The following CTIF variants were observed in gnomAD, a reference collection of about 807,000 sequenced individuals.
CTIF encodes the protein cap binding complex dependent translation initiation factor.
A neutral mutation model predicts 66.0 loss-of-function variants in CTIF; 21 were observed. The ratio of observed to expected loss-of-function variants is 0.32; its 90% CI spans 0.23 to 0.46. The LOEUF (loss-of-function observed/expected upper bound fraction) is 0.46, where lower values mean the gene tolerates loss of function less well. Among genes scored for constraint, CTIF ranks in the 20% least tolerant of loss-of-function variants. The probability of loss-of-function intolerance (pLI) is 1.00; values close to 1 mark genes in which losing one functional copy is unlikely to be tolerated. For synonymous variants in CTIF, 345 were observed against 326.4 expected (o/e 1.06, Z -0.62); for missense variants, 739 against 812.7 (o/e 0.91, Z 1.10).
chr18:48,556,367 T>G (rs1339251921), intron 1 of CTIF, among the ~76,000 whole-genome samples: 1 of 152,194 alleles, frequency 6.6e-6, no homozygotes, highest in Non-Finnish European at 1.5e-5. Context: ...GTGACTTGGT[T>G]TCCTCACCTT....
intron 1 of CTIF, among the ~76,000 whole-genome samples, chr18:48,594,183 G>C (rs2089947244): frequency 6.6e-6 from 1 of 152,000 alleles, no homozygotes; most frequent in Admixed American, 6.5e-5. Context: ...GGGATGCCTT[G>C]CTCACCGGCT....
chr18:48,601,763 T>C (rs529685165), intron 1 of CTIF, among the ~76,000 whole-genome samples: 46 of 152,314 alleles, frequency 3.0e-4, no homozygotes, highest in Non-Finnish European at 4.3e-4. Context: ...TAAAACACTT[T>C]TGTTTTGAAG....
intron 1 of CTIF, among the ~76,000 whole-genome samples, chr18:48,608,276 C>T (rs59297628): frequency 0.11 from 16,620 of 152,108 alleles, 1,413 homozygotes; most frequent in African/African-American, 0.25. Context: ...CAGTGTTGCT[C>T]GATCATCCAG....
At chr18:48,576,760 C>T (rs181088944) in intron 1 of CTIF, among the ~76,000 whole-genome samples, 34 of 152,356 alleles carry the variant, frequency 2.2e-4, no homozygotes, top group African/African-American at 7.5e-4. Flanking sequence ...TGCTCAAATG[C>T]ACTTTTAAAA....
At chr18:48,723,271 C>T (rs955228916) in intron 7 of CTIF, among the ~76,000 whole-genome samples, 5 of 152,096 alleles carry the variant, frequency 3.3e-5, no homozygotes, top group Admixed American at 3.3e-4. Context: ...CGGCATGGTC[C>T]TCTTTGGGGT....
chr18:48,771,665 C>T (rs1041354450), intron 9 of CTIF, among the ~76,000 whole-genome samples: 4 of 152,202 alleles, frequency 2.6e-5, no homozygotes, highest in Non-Finnish European at 4.4e-5. Flanking sequence ...AGTGGGTTAC[C>T]GGAGAAGGCC....
At chr18:48,655,316 AAAAAG>A (rs1273567418) in intron 3 of CTIF, among the ~76,000 whole-genome samples, 1 of 148,000 alleles carries the variant, frequency 6.8e-6, no homozygotes, top group African/African-American at 2.5e-5. Flanking sequence ...AAAAAAAAAA[AAAAAG>A]AAGAATAAAA....
At chr18:48,680,023 G>A (rs1364963312) in intron 6 of CTIF, among the ~76,000 whole-genome samples, 1 of 152,222 alleles carries the variant, frequency 6.6e-6, no homozygotes, top group Non-Finnish European at 1.5e-5. Context: ...TGACCAAATA[G>A]GGACTCAGCC....
At chr18:48,782,919 G>GAGCC (rs1260221831) in intron 9 of CTIF, among the ~76,000 whole-genome samples, 3 of 152,206 alleles carry the variant, frequency 2.0e-5, no homozygotes. Flanking sequence ...CAGACTCAGA[G>GAGCC]AGCCCATGGG....
At chr18:48,596,894 A>G (rs982010440) in intron 1 of CTIF, among the ~76,000 whole-genome samples, 1 of 152,198 alleles carries the variant, frequency 6.6e-6, no homozygotes, top group Admixed American at 6.5e-5. Flanking sequence ...CCCCAGTGTT[A>G]TAAGGATTCT....
intron 9 of CTIF, among the ~76,000 whole-genome samples, chr18:48,769,019 A>G (rs1198548379): frequency 2.0e-5 from 3 of 152,098 alleles, no homozygotes; most frequent in Admixed American, 2.0e-4. Context: ...GGGCCTCTGG[A>G]GGTCAAGGGT....
At position 48,606,452 on chromosome 18, in the gene CTIF, G is replaced by A. The variant is rs566375744; in HGVS notation, c.-28-13086G>A. On this transcript the variant is annotated intron_variant, in intron 1 of 11. Transcript: ENST00000256413. Reference sequence around the variant, plus strand: ...ATGCATGCTCTGCCTAACTGCAGCCGCAGGGTTATTAAGAGCTGACTGGCA... The same window carrying A: ...ATGCATGCTCTGCCTAACTGCAGCCACAGGGTTATTAAGAGCTGACTGGCA... Among the ~76,000 whole-genome samples, 205 of 152,326 alleles carry A rather than the reference G, an allele frequency of 1.3e-3. 1 individual carries two copies. The highest frequency in any genetic ancestry group is 4.7e-3 in the African/African-American group (195 of 41,554).
rs185109059 is a variant in CTIF, at chr18:48,669,603, T to C, written c.432-1066T>C. Among the ~76,000 whole-genome samples, 623 of 151,838 alleles carry C rather than the reference T, an allele frequency of 4.1e-3. 12 individuals are homozygous for C. Among genetic ancestry groups the C allele is most frequent in the African/African-American group, 0.015 (604 of 41,396 alleles). On this transcript the variant is annotated intron_variant, in intron 5 of 11. Coordinates refer to ENST00000256413, the MANE Select transcript of CTIF (RefSeq NM_014772.3). ...GCCTAAACAACAGCAACAATATTAG[T>C]GGTAATGAAAGTAGTCATAGTAGTA...
At chr18:48,815,347 A>T (rs985620215) in intron 9 of CTIF, among the ~76,000 whole-genome samples, 2 of 152,202 alleles carry the variant, frequency 1.3e-5, no homozygotes, top group African/African-American at 4.8e-5. Flanking sequence ...TGGGCAAGTT[A>T]CACAACTTCT....
At chr18:48,680,235 G>A (rs1402099388) in intron 6 of CTIF, among the ~76,000 whole-genome samples, 1 of 152,238 alleles carries the variant, frequency 6.6e-6, no homozygotes, top group Admixed American at 6.5e-5. Context: ...CCAGTGGAGA[G>A]GTCATCTGTC....
intron 9 of CTIF, among the ~76,000 whole-genome samples, chr18:48,783,269 G>A (rs1417233943): frequency 6.6e-6 from 1 of 152,180 alleles, no homozygotes; most frequent in Non-Finnish European, 1.5e-5. Context: ...GCACCAGCAC[G>A]GCTTATGTAT....
chr18:48,825,653 A>T (rs2068568789), intron 10 of CTIF, among the ~76,000 whole-genome samples: 2 of 152,176 alleles, frequency 1.3e-5, no homozygotes, highest in African/African-American at 4.8e-5. Flanking sequence ...AGAGCAGGGC[A>T]TTCAGCTACC....
At chr18:48,696,713 A>T (rs1211188675) in intron 6 of CTIF, among the ~76,000 whole-genome samples, 1 of 152,216 alleles carries the variant, frequency 6.6e-6, no homozygotes, top group Non-Finnish European at 1.5e-5. Context: ...GGTAGGTATT[A>T]GTCTCTCCAT....
At chr18:48,571,757 G>A (rs2089420581) in intron 1 of CTIF, among the ~76,000 whole-genome samples, 1 of 152,060 alleles carries the variant, frequency 6.6e-6, no homozygotes, top group South Asian at 2.1e-4. Flanking sequence ...ACTGTATACT[G>A]TGTAGTCAAA....
Sources: allele counts gnomAD v4.1 joint callset (sites outside exome capture counted in the v4.1 genomes callset), GRCh38; gene constraint gnomAD v4.1.1; transcripts MANE v1.5; gene names NCBI Gene and HGNC (gene_info 2026-07-23, HGNC 2026-07-21).